TAFA2: variants seen among roughly 807,000 people sequenced by gnomAD.
TAFA2 encodes the protein chemokine-like protein TAFA-2.
In TAFA2, 7 loss-of-function variants were observed where a neutral mutation model predicts 18.8. That is an observed-to-expected ratio of 0.37 (90% CI 0.21 to 0.70). The LOEUF (loss-of-function observed/expected upper bound fraction) is 0.70, where lower values mean the gene tolerates loss of function less well. TAFA2 is among the 30% of genes least tolerant of loss of function. The pLI is 0.53. For synonymous variants in TAFA2, 60 were observed against 54.2 expected (o/e 1.11, Z -0.47); for missense variants, 122 against 158.1 (o/e 0.77, Z 1.23).
intron 4 of TAFA2, among the ~76,000 whole-genome samples, chr12:61,732,992 A>T (rs1458338004): frequency 6.6e-6 from 1 of 152,022 alleles, no homozygotes; most frequent in African/African-American, 2.4e-5. Flanking sequence ...TGGGTTAATG[A>T]AATCCAAGAG....
At chr12:62,202,821 C>CTTTTTTTTTTTTTTTTTTTTTT (rs71083986) in intron 1 of TAFA2, among the ~76,000 whole-genome samples, 1 of 61,626 alleles carries the variant, frequency 1.6e-5, no homozygotes, top group African/African-American at 5.9e-5. Flanking sequence ...CTGTGTGGTT[C>CTTTTTTTTTTTTTTTTTTTTTT]TTTTTTTTTT....
At chr12:62,164,710 T>A (rs531688637) in intron 1 of TAFA2, among the ~76,000 whole-genome samples, 26 of 152,288 alleles carry the variant, frequency 1.7e-4, no homozygotes, top group African/African-American at 6.0e-4. Context: ...TCAGACATAA[T>A]CTTGGTTAAT....
At chr12:61,788,791 A>G (rs1870848698) in intron 2 of TAFA2, among the ~76,000 whole-genome samples, 1 of 151,840 alleles carries the variant, frequency 6.6e-6, no homozygotes, top group Non-Finnish European at 1.5e-5. Context: ...AATCTAGAAG[A>G]AATGAATAAA....
chr12:61,914,650 C>G (rs1302731641), intron 1 of TAFA2, among the ~76,000 whole-genome samples: 1 of 152,102 alleles, frequency 6.6e-6, no homozygotes, highest in Admixed American at 6.5e-5. Context: ...GATAGTAGTA[C>G]CTGACATTAC....
chr12:62,081,494 G>A (rs1201181969), intron 1 of TAFA2, among the ~76,000 whole-genome samples: 1 of 151,226 alleles, frequency 6.6e-6, no homozygotes, highest in Non-Finnish European at 1.5e-5. Flanking sequence ...TTGTTTGTTT[G>A]TTTGTTTTGA....
At chr12:62,138,964 A>G (rs2062218715) in intron 1 of TAFA2, among the ~76,000 whole-genome samples, 1 of 152,194 alleles carries the variant, frequency 6.6e-6, no homozygotes, top group Admixed American at 6.6e-5. Context: ...GAGATCAGAA[A>G]TAAGGTGAAA....
At chr12:61,749,883 C>T (rs1182018828) in intron 4 of TAFA2, among the ~76,000 whole-genome samples, 1 of 152,014 alleles carries the variant, frequency 6.6e-6, no homozygotes, top group African/African-American at 2.4e-5. Flanking sequence ...ACTGCACTGA[C>T]CACTGTATTT....
intron 1 of TAFA2, among the ~76,000 whole-genome samples, chr12:62,095,055 A>C (rs1868889908): frequency 6.6e-6 from 1 of 152,128 alleles, no homozygotes; most frequent in Non-Finnish European, 1.5e-5. Context: ...CCCAGGCACC[A>C]GGCCACTTAG....
At chr12:62,250,095 T>C (rs77873540) in intron 1 of TAFA2, among the ~76,000 whole-genome samples, 6 of 152,216 alleles carry the variant, frequency 3.9e-5, no homozygotes, top group Non-Finnish European at 8.8e-5. Context: ...GAAGCACTCA[T>C]GGTGGAAGGC....
chr12:61,726,015 T>C (rs894010079), intron 4 of TAFA2, among the ~76,000 whole-genome samples: 2 of 119,360 alleles, frequency 1.7e-5, no homozygotes, highest in African/African-American at 5.3e-5. Flanking sequence ...AAGAGTTTCT[T>C]TTTTCTTTTT....
intron 1 of TAFA2, chr12:62,104,731 A>T (rs1565745691): frequency 4.4e-6 from 2 of 455,388 alleles, no homozygotes; most frequent in East Asian, 7.0e-5. Flanking sequence ...TGCACGCTTC[A>T]TCCTAAATTT....
At chr12:61,988,853 A>G (rs888373112) in intron 1 of TAFA2, among the ~76,000 whole-genome samples, 2 of 152,158 alleles carry the variant, frequency 1.3e-5, no homozygotes, top group Non-Finnish European at 2.9e-5. Flanking sequence ...TTGATGTCAA[A>G]CAAGCAGAAT....
intron 4 of TAFA2, among the ~76,000 whole-genome samples, chr12:61,716,241 C>G (rs947677137): frequency 6.6e-6 from 1 of 152,154 alleles, no homozygotes; most frequent in Admixed American, 6.5e-5. Flanking sequence ...TGTTACTAGT[C>G]TTCTCTGATA....
intron 2 of TAFA2, among the ~76,000 whole-genome samples, chr12:61,853,399 T>TA (rs995820326): frequency 6.6e-6 from 1 of 151,868 alleles, no homozygotes; most frequent in African/African-American, 2.4e-5. Context: ...AGGAAGAGTA[T>TA]AAAAAAAATT....
intron 1 of TAFA2, among the ~76,000 whole-genome samples, chr12:62,171,586 G>A (rs1231048341): frequency 6.6e-6 from 1 of 152,214 alleles, no homozygotes; most frequent in Non-Finnish European, 1.5e-5. Flanking sequence ...AGAGGCCGAA[G>A]GGAGCTTGCT....
At chr12:62,066,042 CTG>C (rs1282739782) in intron 1 of TAFA2, among the ~76,000 whole-genome samples, 1 of 151,166 alleles carries the variant, frequency 6.6e-6, no homozygotes, top group Non-Finnish European at 1.5e-5. Flanking sequence ...GAATTAGTAA[CTG>C]AGAATTAGTA....
At chr12:62,018,688 G>A (rs1881019262) in intron 1 of TAFA2, among the ~76,000 whole-genome samples, 1 of 152,142 alleles carries the variant, frequency 6.6e-6, no homozygotes, top group Non-Finnish European at 1.5e-5. Context: ...ATGGATTAAA[G>A]ACTTAAATGT....
At chr12:62,241,641 C>T (rs1203326562) in intron 1 of TAFA2, among the ~76,000 whole-genome samples, 2 of 152,116 alleles carry the variant, frequency 1.3e-5, no homozygotes, top group Non-Finnish European at 2.9e-5. Flanking sequence ...AGATTGTAGG[C>T]TTGAATAAAC....
chr12:61,880,245 C>A, intron 1 of TAFA2: 1 of 490,204 alleles, frequency 2.0e-6, no homozygotes, highest in Non-Finnish European at 3.9e-6. Flanking sequence ...ACTGACATCT[C>A]CGAGATGAAC....
Sources: allele counts gnomAD v4.1 joint callset (sites outside exome capture counted in the v4.1 genomes callset), GRCh38; gene constraint gnomAD v4.1.1; transcripts MANE v1.5; gene names NCBI Gene and HGNC (gene_info 2026-07-23, HGNC 2026-07-21).